Variants in SLC13A3 observed in about 807,000 individuals in gnomAD.
SLC13A3 encodes the protein solute carrier family 13 member 3.
SLC13A3 carries 40 observed loss-of-function variants against 59.0 expected under a neutral mutation model. That is an observed-to-expected ratio of 0.68 (90% CI 0.53 to 0.88). The LOEUF is 0.88. SLC13A3 is among the 40% of genes least tolerant of loss of function. The probability of loss-of-function intolerance (pLI) is 0.00; values close to 1 mark genes in which losing one functional copy is unlikely to be tolerated. For missense variants in SLC13A3, 699 were observed against 783.2 expected (o/e 0.89, Z 1.28); for synonymous variants, 317 against 330.3 (o/e 0.96, Z 0.44).
intron 1 of SLC13A3, among the ~76,000 whole-genome samples, chr20:46,679,672 C>G (rs2063144703): frequency 6.6e-6 from 1 of 151,896 alleles, no homozygotes; most frequent in Non-Finnish European, 1.5e-5. Flanking sequence ...TTTTGGGAGG[C>G]CAAGGCAGGT....
At chr20:46,612,550 C>T (rs545412024) in intron 2 of SLC13A3, among the ~76,000 whole-genome samples, 1 of 151,874 alleles carries the variant, frequency 6.6e-6, no homozygotes, top group South Asian at 2.1e-4. Flanking sequence ...TCGGTCTTGC[C>T]GTTTGCGGTG....
Position 46,558,784 on chromosome 20 carries a change from C to G in SLC13A3, c.*1238G>C, listed in dbSNP as rs537420506. On this transcript the variant is annotated 3_prime_UTR_variant, in exon 13 of 13. Transcript: ENST00000279027. ...AGAGGCTTAGGAAAGGGAAGTGTGA[C>G]GAGTCAGGGCCCCTGGGCTGGTGTC... 16 of 152,136 alleles carry G rather than the reference C, an allele frequency of 1.1e-4. No homozygotes were observed. Among genetic ancestry groups the G allele is most frequent in the African/African-American group, 3.9e-4 (16 of 41,416 alleles). The allele number at this position is 152,136 out of a possible 1,614,324, so 9.4% of individuals were successfully genotyped here. A position where few individuals can be genotyped will look rare whatever the true frequency, so the allele number is the denominator to read the frequency against.
chr20:46,563,780 C>T (rs1396002491), intron 11 of SLC13A3, among the ~76,000 whole-genome samples: 2 of 152,126 alleles, frequency 1.3e-5, no homozygotes, highest in African/African-American at 4.8e-5. Context: ...GACACATGCA[C>T]AGGCAGAAAC....
At chr20:46,616,527 C>A (rs1269494302) in intron 1 of SLC13A3, among the ~76,000 whole-genome samples, 1 of 152,184 alleles carries the variant, frequency 6.6e-6, no homozygotes, top group African/African-American at 2.4e-5. Context: ...GATGTCAGAG[C>A]CGTTTCCAGA....
intron 12 of SLC13A3, among the ~76,000 whole-genome samples, chr20:46,561,803 G>A (rs998232599): frequency 1.3e-5 from 2 of 152,096 alleles, no homozygotes; most frequent in African/African-American, 4.8e-5. Context: ...CGGAGGATTA[G>A]AGGGAGTCGG....
rs982162904 is a variant in SLC13A3 at position 46,620,549 on chromosome 20, G to A, written c.112-6824C>T. Among the ~76,000 whole-genome samples, 2 of 152,258 alleles carry A rather than the reference G, an allele frequency of 1.3e-5. 1 individual carries two copies. The highest frequency in any genetic ancestry group is 1.3e-4 in the Admixed American group (2 of 15,292). On this transcript the variant is annotated intron_variant, in intron 1 of 12. Coordinates refer to ENST00000279027, the MANE Select transcript of SLC13A3 (RefSeq NM_022829.6). ...AATAATGAAATAATTGACACTTTAT[G>A]AACAGTTTATGGGGACAATGCTACA...
At position 46,613,543 on chromosome 20, in the gene SLC13A3, G is replaced by T. The variant is rs1486727678; in HGVS notation, c.294C>A (p.Ile98=). ...TCCACTCCTCAATGGCGCTGGCCATGATCAGCCCACTGAGGAAGAGGAAGT... is the reference window on the plus strand; with the variant it reads ...TCCACTCCTCAATGGCGCTGGCCATTATCAGCCCACTGAGGAAGAGGAAGT... ...DTNFLFLSGL[I]MASAIEEWNL... The change falls in exon 2 of 13, where the codon ATC becomes ATA. Residue 98 remains isoleucine (I), a synonymous_variant. Transcript: ENST00000279027. 2 of 1,614,094 alleles carry T rather than the reference G, an allele frequency of 1.2e-6. No homozygotes were observed. Among genetic ancestry groups the T allele is most frequent in the Non-Finnish European group, 1.7e-6 (2 of 1,179,988 alleles).
At chr20:46,663,398 T>C (rs1173305654) in intron 1 of SLC13A3, among the ~76,000 whole-genome samples, 1 of 151,756 alleles carries the variant, frequency 6.6e-6, no homozygotes, top group African/African-American at 2.4e-5. Flanking sequence ...TGAGCTATAA[T>C]TGTGCCACTA....
At chr20:46,580,682 A>T (rs2062127397) in intron 9 of SLC13A3, among the ~76,000 whole-genome samples, 1 of 151,946 alleles carries the variant, frequency 6.6e-6, no homozygotes, top group East Asian at 1.9e-4. Context: ...TCACCCAGAA[A>T]ATTAGTAGCA....
chr20:46,563,920 C>T (rs1568907539), intron 11 of SLC13A3, among the ~76,000 whole-genome samples: 1 of 152,162 alleles, frequency 6.6e-6, no homozygotes, highest in Admixed American at 6.5e-5. Flanking sequence ...CTAGAACACT[C>T]CTTCTCCAAT....
chr20:46,638,651 T>G (rs1032166186), intron 1 of SLC13A3, among the ~76,000 whole-genome samples: 2 of 152,214 alleles, frequency 1.3e-5, no homozygotes, highest in African/African-American at 2.4e-5. Context: ...GGCTGTGTGC[T>G]CACAGGCTAG....
Position 46,560,067 on chromosome 20 carries a change from T to C in SLC13A3, c.1764A>G (p.Thr588=), listed in dbSNP as rs146398430. 6.8e-6 allele frequency: 11 copies of C among 1,614,056 alleles called. No individual in the cohort carries two copies. The African/African-American group carries it at 1.2e-4, about 18-fold the overall frequency. Residue 588 remains threonine, a synonymous_variant, in exon 13 of 13, where the codon ACA becomes ACG. Transcript: ENST00000279027. ...DWADMYSVNV[T]ALPPTLANDT... Reference sequence around the variant, plus strand: ...CATTGGCCAAGGTGGGTGGCAATGCTGTGACATTGACCGAGTACATATCAG... The same window carrying C: ...CATTGGCCAAGGTGGGTGGCAATGCCGTGACATTGACCGAGTACATATCAG...
chr20:46,660,482 T>G (rs901071126), intron 1 of SLC13A3, among the ~76,000 whole-genome samples: 1 of 152,138 alleles, frequency 6.6e-6, no homozygotes, highest in African/African-American at 2.4e-5. Flanking sequence ...CTGTAAGTAA[T>G]GTCTGGTAAG....
intron 9 of SLC13A3, among the ~76,000 whole-genome samples, chr20:46,576,006 G>A (rs1000047408): frequency 6.6e-6 from 1 of 152,166 alleles, no homozygotes; most frequent in Non-Finnish European, 1.5e-5. Context: ...AAGAGAAAAG[G>A]CTTTCTTTGT....
chr20:46,600,055 G>T lies in SLC13A3; in HGVS notation c.542-18C>A. ...CACAGCAGCTAGGAGGAAAGAGCATGATGTCTTTAATGTAATGTAGCGAAT... is the reference window on the plus strand; with the variant it reads ...CACAGCAGCTAGGAGGAAAGAGCATTATGTCTTTAATGTAATGTAGCGAAT... On this transcript the variant is annotated intron_variant, in intron 3 of 12. Transcript: ENST00000279027. 1.9e-6 allele frequency: 3 copies of T among 1,551,804 alleles called. No individual in the cohort carries two copies. Among genetic ancestry groups the T allele is most frequent in the Non-Finnish European group, 2.6e-6 (3 of 1,137,496 alleles).
intron 5 of SLC13A3, among the ~76,000 whole-genome samples, chr20:46,595,405 C>T (rs1390886945): frequency 1.3e-5 from 2 of 152,102 alleles, no homozygotes; most frequent in African/African-American, 4.8e-5. Context: ...TATCCTCGTG[C>T]CCTGACCGGC....
chr20:46,601,137 A>G (rs2062376569), intron 3 of SLC13A3, among the ~76,000 whole-genome samples: 1 of 152,170 alleles, frequency 6.6e-6, no homozygotes, highest in South Asian at 2.1e-4. Flanking sequence ...GTGGGGACGG[A>G]GTGGGCAAAG....
chr20:46,645,843 A>G (rs766363675), intron 1 of SLC13A3, among the ~76,000 whole-genome samples: 8 of 152,196 alleles, frequency 5.3e-5, no homozygotes, highest in Non-Finnish European at 1.2e-4. Context: ...CATACATGAT[A>G]CCCACAGAAA....
chr20:46,667,276 A>G (rs2063067086), intron 1 of SLC13A3, among the ~76,000 whole-genome samples: 1 of 152,130 alleles, frequency 6.6e-6, no homozygotes, highest in South Asian at 2.1e-4. Flanking sequence ...GGGTACTCCA[A>G]ACTGGAAAAG....
Sources: allele counts gnomAD v4.1 joint callset (sites outside exome capture counted in the v4.1 genomes callset), GRCh38; gene constraint gnomAD v4.1.1; transcripts MANE v1.5; gene names NCBI Gene and HGNC (gene_info 2026-07-23, HGNC 2026-07-21).